The following USP32 variants were observed in gnomAD, a reference collection of about 807,000 sequenced individuals.
USP32 encodes the protein ubiquitin specific peptidase 32.
In USP32, 59 loss-of-function variants were observed where a neutral mutation model predicts 204.8. The observed-to-expected ratio is 0.29, with a 90% CI of 0.23 to 0.36. The LOEUF (loss-of-function observed/expected upper bound fraction) is 0.36, where lower values mean the gene tolerates loss of function less well. USP32 is among the 10% of genes least tolerant of loss of function. The probability of loss-of-function intolerance (pLI) is 1.00; values close to 1 mark genes in which losing one functional copy is unlikely to be tolerated. For synonymous variants in USP32, 517 were observed against 678.4 expected, an observed-to-expected ratio of 0.76 and a Z score of 3.70; for missense variants, 1,160 against 1,946.4, an observed-to-expected ratio of 0.60 and a Z score of 7.60.
chr17:60,282,604 G>A (rs1489492786), intron 5 of USP32, among the ~76,000 whole-genome samples: 1 of 152,092 alleles, frequency 6.6e-6, no homozygotes, highest in Non-Finnish European at 1.5e-5. Flanking sequence ...CACCCATCTC[G>A]GCCTCCCAAA....
At chr17:60,265,681 A>G (rs2086573179) in intron 8 of USP32, among the ~76,000 whole-genome samples, 1 of 152,178 alleles carries the variant, frequency 6.6e-6, no homozygotes, top group Admixed American at 6.5e-5. Flanking sequence ...TCCAGGCAAG[A>G]ACTACTGCGC....
rs1165836732 is a variant in USP32 at position 60,296,026 on chromosome 17, C to T, written c.293-1225G>A. 2.0e-5 allele frequency among the ~76,000 whole-genome samples: 3 copies of T among 151,982 alleles called. No homozygotes were observed. In the East Asian group the frequency reaches 5.8e-4, roughly 29 times the overall value. On this transcript the variant is annotated intron_variant, in intron 3 of 33. Coordinates refer to ENST00000300896, the MANE Select transcript of USP32 (RefSeq NM_032582.4). ...AAAAACCAGCATGAGAAAAAAATCACCAAATTCATGAAAGTGGTAACCTCT... is the reference window on the plus strand; with the variant it reads ...AAAAACCAGCATGAGAAAAAAATCATCAAATTCATGAAAGTGGTAACCTCT...
Position 60,181,369 on chromosome 17 carries a change from T to C in USP32, c.4503A>G (p.Arg1501=). ...AAATAGGCTTAATACGAGTATCTTC[T>C]CTTTGGTCATCAGTGCTGTCTTCTT... ...HSEEDSTDDQ[R]EDTRIKPIYN... Residue 1501 remains arginine (R), a synonymous_variant, in exon 32 of 34, where the codon AGA becomes AGG. Coordinates refer to ENST00000300896, the MANE Select transcript of USP32 (RefSeq NM_032582.4). 4 of 1,613,842 alleles carry C rather than the reference T, an allele frequency of 2.5e-6. No individual in the cohort carries two copies. Among genetic ancestry groups the C allele is most frequent in the Non-Finnish European group, 3.4e-6 (4 of 1,179,870 alleles).
At chr17:60,349,605 A>ATATATATATATATAT (rs2088884389) in intron 1 of USP32, among the ~76,000 whole-genome samples, 5 of 71,888 alleles carry the variant, frequency 7.0e-5, no homozygotes, top group African/African-American at 2.0e-4. Flanking sequence ...AAATATATAT[A>ATATATATATATATAT]TATATATATA....
chr17:60,330,218 C>T (rs1397983467), intron 2 of USP32, among the ~76,000 whole-genome samples: 1 of 152,150 alleles, frequency 6.6e-6, no homozygotes, highest in Non-Finnish European at 1.5e-5. Flanking sequence ...AAATTAGTAG[C>T]TCTGAATTTT....
At chr17:60,223,335 T>C in intron 14 of USP32, 76 bp downstream of exon 14, 1 of 1,296,030 alleles carries the variant, frequency 7.7e-7, no homozygotes, top group Non-Finnish European at 1.1e-6. Context: ...TTTTGCTATG[T>C]GCTAAAACCT....
At chr17:60,342,683 C>T (rs2088688397) in intron 2 of USP32, among the ~76,000 whole-genome samples, 1 of 152,226 alleles carries the variant, frequency 6.6e-6, no homozygotes, top group African/African-American at 2.4e-5. Context: ...TGATCTCAGA[C>T]TGCTGCGCTA....
chr17:60,293,927 C>A (rs1031299517), intron 4 of USP32, among the ~76,000 whole-genome samples: 13 of 152,198 alleles, frequency 8.5e-5, no homozygotes, highest in African/African-American at 3.1e-4. Flanking sequence ...AAGGACTTGT[C>A]ACATACTAGC....
intron 16 of USP32, among the ~76,000 whole-genome samples, chr17:60,217,427 T>C (rs1311400509): frequency 6.6e-6 from 1 of 152,158 alleles, no homozygotes; most frequent in African/African-American, 2.4e-5. Context: ...CCCGAGTAGC[T>C]GGGATTACAG....
At chr17:60,416,259 A>T (rs1251587491) in intron 1 of USP32, among the ~76,000 whole-genome samples, 4 of 152,194 alleles carry the variant, frequency 2.6e-5, no homozygotes, top group African/African-American at 9.7e-5. Flanking sequence ...TATGAGGGAA[A>T]GCGTAAGCAG....
At chr17:60,231,550 T>G (rs1331184171) in intron 12 of USP32, 1 of 516,944 alleles carries the variant, frequency 1.9e-6, no homozygotes, top group East Asian at 5.5e-5. Flanking sequence ...GCTGCCCCAC[T>G]CGTGGCAGTC....
At chr17:60,344,616 A>T (rs1280976548) in intron 2 of USP32, among the ~76,000 whole-genome samples, 2 of 151,818 alleles carry the variant, frequency 1.3e-5, no homozygotes. Flanking sequence ...ATGTCTGCTA[A>T]TTTTTTTGGT....
At chr17:60,199,932 A>C (rs1448691448) in intron 26 of USP32, among the ~76,000 whole-genome samples, 2 of 152,204 alleles carry the variant, frequency 1.3e-5, no homozygotes, top group East Asian at 3.8e-4. Flanking sequence ...GCAGTGGCTC[A>C]TGCCTGTAAT....
chr17:60,209,856 C>T (rs964666427), intron 21 of USP32, among the ~76,000 whole-genome samples: 1 of 152,078 alleles, frequency 6.6e-6, no homozygotes, highest in African/African-American at 2.4e-5. Flanking sequence ...ACAGCGTTTG[C>T]TCACATTGAA....
At chr17:60,339,633 C>T (rs1199007286) in intron 2 of USP32, among the ~76,000 whole-genome samples, 2 of 151,360 alleles carry the variant, frequency 1.3e-5, no homozygotes, top group Non-Finnish European at 2.9e-5. Context: ...TTATTCCTCA[C>T]CTAAAATATT....
rs2088763154 is a variant in USP32, at chr17:60,345,466, G to A, written c.186+15C>T. 3.7e-6 allele frequency: 6 copies of A among 1,612,700 alleles called. No homozygotes were observed. Among genetic ancestry groups the A allele is most frequent in the African/African-American group, 1.3e-5 (1 of 74,850 alleles). ...GATAACTACCTCAAAGGAAAACTTA[G>A]AACAAAAAGATTACCTCAGCAACCT... On this transcript the variant is annotated intron_variant, in intron 2 of 33. Transcript: ENST00000300896.
chr17:60,303,531 TA>T (rs59794615), intron 2 of USP32, among the ~76,000 whole-genome samples: 244 of 138,670 alleles, frequency 1.8e-3, no homozygotes, highest in Middle Eastern at 3.6e-3. Context: ...CCCTAACCCC[TA>T]AAAAAAAAAA....
At chr17:60,374,423 C>G (rs1236862858) in intron 1 of USP32, among the ~76,000 whole-genome samples, 1 of 149,756 alleles carries the variant, frequency 6.7e-6, no homozygotes, top group Admixed American at 6.6e-5. Flanking sequence ...GAGACAGAGT[C>G]TTACTCTGTC....
intron 6 of USP32, among the ~76,000 whole-genome samples, chr17:60,270,121 A>G (rs1355924271): frequency 6.6e-6 from 1 of 152,214 alleles, no homozygotes; most frequent in Non-Finnish European, 1.5e-5. Flanking sequence ...AAATTTCACA[A>G]AGGGAATTTA....
Sources: gnomAD v4.1 joint callset for allele counts (sites outside exome capture counted in the v4.1 genomes callset) on GRCh38, gnomAD v4.1.1 for gene constraint, MANE v1.5 for transcripts, NCBI Gene and HGNC (gene_info 2026-07-23, HGNC 2026-07-21) for gene names.